The following DYM variants were observed in gnomAD, a reference collection of about 807,000 sequenced individuals.
DYM encodes the protein dyggve-Melchior-Clausen syndrome protein.
Under a neutral mutation model 93.1 loss-of-function variants are expected in DYM, and 78 were observed. The ratio of observed to expected loss-of-function variants is 0.84; its 90% confidence interval spans 0.70 to 1.01. The LOEUF (loss-of-function observed/expected upper bound fraction) is 1.01. Among genes scored for constraint, DYM ranks in the 50% least tolerant of loss-of-function variants. DYM has a pLI of 0.00. For missense variants in DYM, 789 were observed against 845.0 expected (o/e 0.93, Z 0.82); for synonymous variants, 321 against 319.7 (o/e 1.00, Z -0.04).
chr18:49,290,655 G>C (rs1296661302), intron 8 of DYM, among the ~76,000 whole-genome samples: 1 of 151,852 alleles, frequency 6.6e-6, no homozygotes, highest in Non-Finnish European at 1.5e-5. Context: ...CATATATATA[G>C]ATATATATGT....
At chr18:49,457,768 G>A (rs1354481446) in intron 1 of DYM, among the ~76,000 whole-genome samples, 1 of 152,198 alleles carries the variant, frequency 6.6e-6, no homozygotes, top group Non-Finnish European at 1.5e-5. Context: ...AGAACCTCGA[G>A]GGGGGATTTA....
In DYM at chr18:49,430,333, G is replaced by A; in HGVS notation, c.62C>T (p.Ser21Leu). The A allele has an allele frequency of 6.2e-7, 1 of 1,614,042 alleles. No individual in the cohort carries two copies. Among genetic ancestry groups the A allele is most frequent in the Non-Finnish European group, 8.5e-7 (1 of 1,180,002 alleles). Residue 21 changes from serine (S) to leucine (L), a missense_variant, in exon 2 of 18, where the codon TCA (serine) becomes TTA (leucine). By Grantham distance (145) the Ser-to-Leu change is moderately radical (BLOSUM62 -2). This residue lies in a region of DYM where 450 missense variants were observed against 436.2 expected (regional missense o/e 1.03). Transcript: ENST00000675505. ...ATTCTCAGAGATAGATTCCGTGCCT[G>A]ATAACTTTTTCAAGTACTCATTTTT... Reference protein sequence around the residue: ...LPKNEYLKKLSGTESISENDP... With the variant: ...LPKNEYLKKLLGTESISENDP...
intron 13 of DYM, among the ~76,000 whole-genome samples, chr18:49,251,393 A>G (rs1484409314): frequency 6.6e-6 from 1 of 152,220 alleles, no homozygotes; most frequent in South Asian, 2.1e-4. Flanking sequence ...GGGTCCAGTA[A>G]GATAGAATTT....
chr18:49,247,822 A>G (rs2094203606), intron 13 of DYM, among the ~76,000 whole-genome samples: 1 of 152,244 alleles, frequency 6.6e-6, no homozygotes, highest in Non-Finnish European at 1.5e-5. Flanking sequence ...ATAAATTTTC[A>G]GAGAGGAGCT....
chr18:49,091,135 G>C (rs1284357200), intron 17 of DYM, among the ~76,000 whole-genome samples: 1 of 152,066 alleles, frequency 6.6e-6, no homozygotes, highest in Non-Finnish European at 1.5e-5. Context: ...TTGTTCGTTG[G>C]TATCCCTCTC....
intron 1 of DYM, among the ~76,000 whole-genome samples, chr18:49,454,956 C>A (rs1039300764): frequency 6.8e-6 from 1 of 147,588 alleles, no homozygotes; most frequent in African/African-American, 2.5e-5. Flanking sequence ...TGGCCTCCTC[C>A]TTTTTTGGAC....
At chr18:49,308,644 T>G (rs2061409212) in intron 8 of DYM, among the ~76,000 whole-genome samples, 1 of 152,142 alleles carries the variant, frequency 6.6e-6, no homozygotes, top group African/African-American at 2.4e-5. Flanking sequence ...GCTACAAACT[T>G]GCAAGCTATA....
At chr18:49,242,149 C>G (rs1190185474) in intron 13 of DYM, among the ~76,000 whole-genome samples, 4 of 152,144 alleles carry the variant, frequency 2.6e-5, no homozygotes, top group Non-Finnish European at 5.9e-5. Flanking sequence ...CAGTGGCTCA[C>G]GGGTGTAATC....
intron 13 of DYM, among the ~76,000 whole-genome samples, chr18:49,219,299 G>A (rs2093235540): frequency 6.6e-6 from 1 of 152,114 alleles, no homozygotes; most frequent in Admixed American, 6.5e-5. Flanking sequence ...AGGACCAGAT[G>A]GATTCACAGC....
chr18:49,151,786 C>T (rs1465379985), intron 15 of DYM, among the ~76,000 whole-genome samples: 1 of 152,094 alleles, frequency 6.6e-6, no homozygotes. Flanking sequence ...AAATAGGAGA[C>T]TTCTTTTCTT....
At chr18:49,053,119 GTTT>G (rs996732127) in intron 17 of DYM, among the ~76,000 whole-genome samples, 31 of 152,328 alleles carry the variant, frequency 2.0e-4, no homozygotes, top group Admixed American at 3.3e-4. Context: ...TGGCTGGAAT[GTTT>G]TTATCAGCTC....
intron 17 of DYM, among the ~76,000 whole-genome samples, chr18:49,091,498 C>G (rs1010428690): frequency 6.6e-6 from 1 of 152,118 alleles, no homozygotes; most frequent in Non-Finnish European, 1.5e-5. Flanking sequence ...AGGCAAGGCT[C>G]TACGAGTGGA....
In DYM at chr18:49,163,706, A is replaced by G. The variant is rs958674821; in HGVS notation, c.1707T>C (p.Asn569=). The change falls in exon 15 of 18, where the codon AAT becomes AAC. Residue 569 remains asparagine (N), a synonymous_variant. Transcript: ENST00000675505. The part of the protein sequence containing the change: ...TQSLRGSLSS[N]DVPLPDYAQD... ...TTACATAATCTGGTAGAGGAACATC[A>G]TTAGAACTCAGCGAACCTCTCAAGG... The G allele has an allele frequency of 6.2e-7, 1 of 1,612,170 alleles. No individual in the cohort carries two copies. The highest frequency in any genetic ancestry group is 2.2e-5 in the East Asian group (1 of 44,776).
At chr18:49,365,394 C>T (rs971094819) in intron 5 of DYM, among the ~76,000 whole-genome samples, 5 of 151,988 alleles carry the variant, frequency 3.3e-5, no homozygotes, top group African/African-American at 1.2e-4. Flanking sequence ...CAAGAAACAT[C>T]GGGCTTGGCT....
intron 15 of DYM, among the ~76,000 whole-genome samples, chr18:49,119,508 G>A (rs2082193072): frequency 6.6e-6 from 1 of 152,170 alleles, no homozygotes; most frequent in African/African-American, 2.4e-5. Flanking sequence ...AAAGGGCAAT[G>A]GAAAGAGCAA....
chr18:49,219,755 C>T lies in DYM; in HGVS notation c.1461-10040G>A, dbSNP rs1238444689. Among the ~76,000 whole-genome samples the T allele has an allele frequency of 5.3e-5, 8 of 152,048 alleles. No homozygotes were observed. In the East Asian group the frequency reaches 1.5e-3, roughly 29 times the overall value. On this transcript the variant is annotated intron_variant, in intron 13 of 17. Transcript: ENST00000675505. ...TAAATTAGGTATTGATGGGACGTAT[C>T]TCAAAATAATAAGAGCTATCTATGA...
chr18:49,131,881 A>C (rs1235077217), intron 15 of DYM, among the ~76,000 whole-genome samples: 1 of 152,202 alleles, frequency 6.6e-6, no homozygotes, highest in Non-Finnish European at 1.5e-5. Flanking sequence ...CCAGAATGTG[A>C]AAGATTCTAC....
chr18:49,244,720 A>C lies in DYM; in HGVS notation c.1460+12290T>G, dbSNP rs185422281. On this transcript the variant is annotated intron_variant, in intron 13 of 17. Coordinates refer to ENST00000675505, the MANE Select transcript of DYM (RefSeq NM_001353214.3). ...TTCACAGAAGAAGAAGAAGAAAAAA[A>C]CCCAAAAACAAGGTAGTCTATAGGC... is the stretch of plus-strand genomic sequence containing the variant. Among the ~76,000 whole-genome samples the C allele has an allele frequency of 2.0e-5, 3 of 152,338 alleles. No individual in the cohort carries two copies. The East Asian group carries it at 5.8e-4, about 29-fold the overall frequency.
chr18:49,265,397 A>C (rs571872520), intron 11 of DYM, among the ~76,000 whole-genome samples: 11 of 152,332 alleles, frequency 7.2e-5, no homozygotes, highest in African/African-American at 2.6e-4. Context: ...TCTTCTGACT[A>C]AATAGTGGAA....
Sources: gnomAD v4.1 joint callset for allele counts (sites outside exome capture counted in the v4.1 genomes callset) on GRCh38, gnomAD v4.1.1 for gene constraint, gnomAD v4.1.1 regional missense constraint, MANE v1.5 for transcripts, NCBI Gene and HGNC (gene_info 2026-07-23, HGNC 2026-07-21) for gene names.